Variants in ADGRB3 observed in about 807,000 individuals in gnomAD.
ADGRB3 encodes the protein brain-specific angiogenesis inhibitor 3.
In ADGRB3, 37 loss-of-function variants were observed where a neutral mutation model predicts 193.4. That is an observed-to-expected ratio of 0.19 (90% CI 0.15 to 0.25). The LOEUF (loss-of-function observed/expected upper bound fraction) is 0.25. ADGRB3 is among the 10% of genes least tolerant of loss of function. The pLI is 1.00. For missense variants in ADGRB3, 1,637 were observed against 1,852.9 expected (o/e 0.88, Z 2.14); for synonymous variants, 690 against 644.2 (o/e 1.07, Z -1.08).
chr6:68,936,538 G>A lies in ADGRB3; in HGVS notation c.888G>A (p.Glu296=), dbSNP rs1199079790. The A allele has an allele frequency of 6.2e-7, 1 of 1,613,994 alleles. No individual in the cohort carries two copies. ...ACGCAGGTGAATCTGGTGTGGAAGA[G>A]TGGTCCCAGTGGAGCACATGTTCGG... The part of the protein sequence containing the change: ...MAQTGESGVE[E]WSQWSTCSVT... Residue 296 remains glutamate, a synonymous_variant, in exon 5 of 32, where the codon GAG becomes GAA. Coordinates refer to ENST00000370598, the MANE Select transcript of ADGRB3 (RefSeq NM_001704.3).
chr6:68,826,313 C>T (rs1767843315), intron 3 of ADGRB3, among the ~76,000 whole-genome samples: 1 of 152,062 alleles, frequency 6.6e-6, no homozygotes, highest in Non-Finnish European at 1.5e-5. Context: ...TCGAGGAAGG[C>T]TTCACTGAGA....
At position 68,645,654 on chromosome 6, in the gene ADGRB3, C is replaced by T. The variant is rs906707563; in HGVS notation, c.757+6222C>T. Among the ~76,000 whole-genome samples, 4 of 152,030 alleles carry T rather than the reference C, an allele frequency of 2.6e-5. No homozygotes were observed. In the East Asian group the frequency reaches 5.8e-4, roughly 22 times the overall value. ...GTATGCTCAAGTTATGTTAGGCCCTCGATAAATGTCAGTGCTCTTTTCTTT... is the reference window on the plus strand; with the variant it reads ...GTATGCTCAAGTTATGTTAGGCCCTTGATAAATGTCAGTGCTCTTTTCTTT... On this transcript the variant is annotated intron_variant, in intron 3 of 31. Coordinates refer to ENST00000370598, the MANE Select transcript of ADGRB3 (RefSeq NM_001704.3).
At chr6:69,364,347 G>C (rs979274091) in intron 29 of ADGRB3, among the ~76,000 whole-genome samples, 1 of 151,978 alleles carries the variant, frequency 6.6e-6, no homozygotes, top group African/African-American at 2.4e-5. Flanking sequence ...CAGAGGGTGA[G>C]TGGGTGGAAG....
rs569641313 is a variant in ADGRB3, at chr6:68,697,563, A to T, written c.757+58131A>T. On this transcript the variant is annotated intron_variant, in intron 3 of 31. Transcript: ENST00000370598. ...TATCTTAATAATTTCAATCAGTCTA[A>T]TGGAGTGACCTAGCTACTTGGTTCT... Among the ~76,000 whole-genome samples the T allele has an allele frequency of 5.3e-5, 8 of 152,038 alleles. No homozygotes were observed. In the South Asian group the frequency reaches 1.2e-3, roughly 24 times the overall value.
At chr6:68,656,145 G>C (rs1768485452) in intron 3 of ADGRB3, among the ~76,000 whole-genome samples, 1 of 151,456 alleles carries the variant, frequency 6.6e-6, no homozygotes, top group Non-Finnish European at 1.5e-5. Context: ...TAGGAAACTA[G>C]CAATAAAATA....
At chr6:69,283,745 C>A (rs1320567128) in intron 20 of ADGRB3, among the ~76,000 whole-genome samples, 1 of 152,026 alleles carries the variant, frequency 6.6e-6, no homozygotes, top group Non-Finnish European at 1.5e-5. Flanking sequence ...AATGTGTAGT[C>A]CACTTCATTT....
intron 16 of ADGRB3, among the ~76,000 whole-genome samples, chr6:69,071,403 A>C (rs920583740): frequency 2.6e-5 from 4 of 152,218 alleles, no homozygotes; most frequent in Non-Finnish European, 4.4e-5. Flanking sequence ...AGCTAGTGAT[A>C]TATTCTACTG....
At chr6:68,939,754 CTT>C (rs1446870835) in intron 5 of ADGRB3, among the ~76,000 whole-genome samples, 2 of 152,008 alleles carry the variant, frequency 1.3e-5, no homozygotes, top group Non-Finnish European at 2.9e-5. Context: ...CAAAAAGTGA[CTT>C]TTTAAAATGT....
intron 17 of ADGRB3, among the ~76,000 whole-genome samples, chr6:69,089,569 A>G (rs1772648081): frequency 6.6e-6 from 1 of 152,180 alleles, no homozygotes. Context: ...CTGGAAAATA[A>G]AAAAATAAAA....
intron 15 of ADGRB3, among the ~76,000 whole-genome samples, chr6:69,051,186 T>C (rs1389005708): frequency 1.3e-5 from 2 of 152,124 alleles, no homozygotes. Context: ...AATGGATACA[T>C]TATGGATGAT....
At chr6:69,366,278 A>G (rs1159928991) in intron 29 of ADGRB3, among the ~76,000 whole-genome samples, 2 of 152,078 alleles carry the variant, frequency 1.3e-5, no homozygotes, top group Non-Finnish European at 2.9e-5. Flanking sequence ...TTAAAAATTA[A>G]TTATTCTCAG....
At chr6:69,216,859 A>G (rs1016907341) in intron 17 of ADGRB3, among the ~76,000 whole-genome samples, 16 of 152,244 alleles carry the variant, frequency 1.1e-4, no homozygotes, top group African/African-American at 2.9e-4. Flanking sequence ...TAATCTGTCA[A>G]TCTGGATAAA....
intron 20 of ADGRB3, among the ~76,000 whole-genome samples, chr6:69,245,050 C>G (rs1302632083): frequency 6.6e-6 from 1 of 152,024 alleles, no homozygotes; most frequent in Non-Finnish European, 1.5e-5. Context: ...AATTTAATGC[C>G]TTTTCTGTAG....
intron 3 of ADGRB3, among the ~76,000 whole-genome samples, chr6:68,860,327 C>T (rs527560220): frequency 1.3e-5 from 2 of 152,110 alleles, no homozygotes; most frequent in Admixed American, 1.3e-4. Context: ...TTCTAGTGTA[C>T]CCATCACTTG....
At chr6:69,368,285 A>G (rs920054644) in intron 29 of ADGRB3, among the ~76,000 whole-genome samples, 8 of 152,170 alleles carry the variant, frequency 5.3e-5, no homozygotes, top group African/African-American at 1.2e-4. Context: ...AGAAAGTTGG[A>G]TAACAGTCAG....
At chr6:68,843,589 A>G (rs1768206768) in intron 3 of ADGRB3, among the ~76,000 whole-genome samples, 1 of 152,128 alleles carries the variant, frequency 6.6e-6, no homozygotes, top group Admixed American at 6.5e-5. Flanking sequence ...TTAAATATCT[A>G]TATTTTCCAA....
chr6:69,370,115 A>G (rs1769676219), intron 29 of ADGRB3, among the ~76,000 whole-genome samples: 1 of 152,174 alleles, frequency 6.6e-6, no homozygotes, highest in South Asian at 2.1e-4. Context: ...ATCCCAACTC[A>G]TTTGCTTACC....
At position 69,055,579 on chromosome 6, in the gene ADGRB3, A is replaced by G. The variant is rs183692498; in HGVS notation, c.2333+6233A>G. Among the ~76,000 whole-genome samples, 3 of 152,324 alleles carry G rather than the reference A, an allele frequency of 2.0e-5. No individual in the cohort carries two copies. In the East Asian group the frequency reaches 5.8e-4, roughly 29 times the overall value. On this transcript the variant is annotated intron_variant, in intron 15 of 31. Transcript: ENST00000370598. ...TTGCTTCCACCTCTTGGCAATTGTC[A>G]ATTACACATGATGAACATGGGTGTT...
chr6:68,971,112 T>C (rs978248650), intron 8 of ADGRB3, among the ~76,000 whole-genome samples: 3 of 152,136 alleles, frequency 2.0e-5, no homozygotes, highest in African/African-American at 7.2e-5. Flanking sequence ...GAAACACATA[T>C]AGTTGGCCGT....
Sources: allele counts gnomAD v4.1 joint callset (sites outside exome capture counted in the v4.1 genomes callset), GRCh38; gene constraint gnomAD v4.1.1; transcripts MANE v1.5; gene names NCBI Gene and HGNC (gene_info 2026-07-23, HGNC 2026-07-21).